Variants in IL16 observed in about 807,000 individuals in gnomAD.
The protein encoded by IL16 is interleukin 16.
Under a neutral mutation model 110.1 loss-of-function variants are expected in IL16, and 67 were observed. That is an observed-to-expected ratio of 0.61 (90% CI 0.50 to 0.75). The LOEUF (loss-of-function observed/expected upper bound fraction) is 0.75, where lower values mean the gene tolerates loss of function less well. Ranked by LOEUF, IL16 falls within the 30% of genes least tolerant of loss-of-function variation. The pLI is 0.00. For missense variants in IL16, 1,545 were observed against 1,655.0 expected (o/e 0.93, Z 1.15); for synonymous variants, 689 against 662.9 (o/e 1.04, Z -0.61).
At chr15:81,232,057 T>C (rs1286895102) in intron 2 of IL16, among the ~76,000 whole-genome samples, 14 of 130,304 alleles carry the variant, frequency 1.1e-4, no homozygotes, top group Admixed American at 2.9e-4. Flanking sequence ...TTTTTTTTTT[T>C]TTTTTTTTTC....
At chr15:81,198,621 A>C (rs940985163) in intron 1 of IL16, among the ~76,000 whole-genome samples, 3 of 149,526 alleles carry the variant, frequency 2.0e-5, no homozygotes, top group Admixed American at 1.3e-4. Context: ...TGGCAGAGGC[A>C]GACCAGGACC....
At chr15:81,277,450 T>G (rs1258741357) in intron 6 of IL16, among the ~76,000 whole-genome samples, 1 of 140,870 alleles carries the variant, frequency 7.1e-6, no homozygotes, top group African/African-American at 2.7e-5. Flanking sequence ...TTTTCTTTCC[T>G]TTTTTTTTTT....
intron 5 of IL16, among the ~76,000 whole-genome samples, chr15:81,270,380 T>G (rs1316253757): frequency 6.6e-6 from 1 of 152,212 alleles, no homozygotes; most frequent in African/African-American, 2.4e-5. Flanking sequence ...TTATGTAATA[T>G]AATTTTTTGT....
At chr15:81,280,473 G>T (rs1013630098) in intron 8 of IL16, among the ~76,000 whole-genome samples, 1 of 152,190 alleles carries the variant, frequency 6.6e-6, no homozygotes. Flanking sequence ...ATCCTTTATA[G>T]ATTTCTAAGC....
chr15:81,301,082 T>C (rs1900261483), intron 14 of IL16, among the ~76,000 whole-genome samples: 2 of 152,180 alleles, frequency 1.3e-5, no homozygotes, highest in Admixed American at 1.3e-4. Context: ...AGACGTGCCA[T>C]AGGGTCCCTG....
chr15:81,217,534 T>A (rs1487984345), intron 1 of IL16, among the ~76,000 whole-genome samples: 1 of 152,184 alleles, frequency 6.6e-6, no homozygotes, highest in East Asian at 1.9e-4. Flanking sequence ...AAAAGAAATG[T>A]CCAGCTTCTC....
At chr15:81,249,231 A>ATAT in intron 2 of IL16, among the ~76,000 whole-genome samples, 3 of 152,310 alleles carry the variant, frequency 2.0e-5, no homozygotes, top group Middle Eastern at 6.8e-3. Context: ...AAACCATAAC[A>ATAT]TATTATTATT....
chr15:81,307,086 T>C (rs1368902438), intron 18 of IL16, among the ~76,000 whole-genome samples: 2 of 152,166 alleles, frequency 1.3e-5, no homozygotes, highest in African/African-American at 4.8e-5. Flanking sequence ...GGGATTGGAG[T>C]ACAAACCAGT....
chr15:81,266,101 C>T (rs1054360146), intron 4 of IL16, among the ~76,000 whole-genome samples: 1 of 152,224 alleles, frequency 6.6e-6, no homozygotes, highest in Non-Finnish European at 1.5e-5. Flanking sequence ...TGAACTATGG[C>T]TTTGCGTGGA....
intron 1 of IL16, among the ~76,000 whole-genome samples, chr15:81,205,372 A>G (rs1357953260): frequency 6.6e-6 from 1 of 151,984 alleles, no homozygotes; most frequent in Non-Finnish European, 1.5e-5. Context: ...ATAGTCAATC[A>G]CTCTGAGAGC....
rs537863160 is a variant in IL16, at chr15:81,313,102, C to T, written c.*4304C>T. The T allele has an allele frequency of 5.0e-5, 45 of 895,758 alleles. No individual in the cohort carries two copies. The highest frequency in any genetic ancestry group is 1.1e-4 in the South Asian group (4 of 37,904). The allele number at this position is 895,758 out of a possible 1,614,324, so 55.5% of individuals were successfully genotyped here. On this transcript the variant is annotated 3_prime_UTR_variant, in exon 19 of 19. Coordinates refer to ENST00000683961, the MANE Select transcript of IL16 (RefSeq NM_172217.5). Reference sequence around the variant, plus strand: ...GCAGGAGGCAGGAAGGGTGGGCTGCCGCCTCTGGTTGGCATTCTCAGAGAT... The same window carrying T: ...GCAGGAGGCAGGAAGGGTGGGCTGCTGCCTCTGGTTGGCATTCTCAGAGAT...
At chr15:81,276,517 A>G (rs1230306177) in intron 6 of IL16, among the ~76,000 whole-genome samples, 4 of 152,208 alleles carry the variant, frequency 2.6e-5, no homozygotes, top group Non-Finnish European at 5.9e-5. Context: ...CAGCCTTGAT[A>G]ATGAAAGAGT....
At chr15:81,201,013 A>G (rs894683748) in intron 1 of IL16, among the ~76,000 whole-genome samples, 3 of 152,208 alleles carry the variant, frequency 2.0e-5, no homozygotes, top group African/African-American at 7.2e-5. Flanking sequence ...AACTCCAGCC[A>G]AAGTGCAGAT....
At chr15:81,278,456 T>G (rs1040601152) in intron 6 of IL16, among the ~76,000 whole-genome samples, 2 of 152,128 alleles carry the variant, frequency 1.3e-5, no homozygotes, top group Non-Finnish European at 2.9e-5. Context: ...CAGACCATTG[T>G]GGAAAATGCA....
intron 2 of IL16, among the ~76,000 whole-genome samples, chr15:81,256,510 T>G (rs999751786): frequency 6.6e-6 from 1 of 151,990 alleles, no homozygotes; most frequent in African/African-American, 2.4e-5. Context: ...TTTTTTTGTA[T>G]TTTTAGTAGA....
chr15:81,289,674 C>T (rs1268378608), intron 10 of IL16, among the ~76,000 whole-genome samples: 1 of 152,146 alleles, frequency 6.6e-6, no homozygotes, highest in Non-Finnish European at 1.5e-5. Context: ...TTTATATAAT[C>T]TGCAACTCAA....
chr15:81,306,323 C>G, intron 17 of IL16, 97 bp from the exon 18 acceptor site: 4 of 1,558,230 alleles, frequency 2.6e-6, no homozygotes, highest in Admixed American at 1.8e-5. Flanking sequence ...TGTGTGCAAA[C>G]ACGGGGGCTG....
In IL16 at chr15:81,299,905, A is replaced by G. The variant is rs1173076947; in HGVS notation, c.2579A>G (p.Gln860Arg). The change falls in exon 14 of 19, where the codon CAG (glutamine) becomes CGG (arginine). Residue 860 changes from glutamine to arginine, a missense_variant. Gln to Arg is a conservative substitution (Grantham distance 43). Coordinates refer to ENST00000683961, the MANE Select transcript of IL16 (RefSeq NM_172217.5). Reference protein sequence around the residue: ...GSSQLPDKGAQRLSLQPSSGE... With the variant: ...GSSQLPDKGARRLSLQPSSGE... ...TCTCAACTGCCTGACAAAGGAGCCC[A>G]GAGACTGAGCCTCCAGCCCTCCTCT... is the stretch of plus-strand genomic sequence containing the variant. The G allele has an allele frequency of 1.9e-6, 3 of 1,613,572 alleles. No individual in the cohort carries two copies. The highest frequency in any genetic ancestry group is 2.2e-5 in the East Asian group (1 of 44,876).
At position 81,292,809 on chromosome 15, in the gene IL16, A is replaced by T; in HGVS notation, c.1674A>T (p.Ala558=). Reference sequence around the variant, plus strand: ...GGGAGCCAGTGGTGCTTTCTATAGCATCCTCCAGGCTGCCCCAGGAGAGCC... The same window carrying T: ...GGGAGCCAGTGGTGCTTTCTATAGCTTCCTCCAGGCTGCCCCAGGAGAGCC... ...LAREPVVLSI[A]SSRLPQESPP... The change falls in exon 12 of 19, where the codon GCA becomes GCT. Residue 558 remains alanine (A), a synonymous_variant. Transcript: ENST00000683961. The T allele has an allele frequency of 6.2e-7, 1 of 1,614,078 alleles. No homozygotes were observed. Among genetic ancestry groups the T allele is most frequent in the South Asian group, 1.1e-5 (1 of 91,070 alleles).
Sources: gnomAD v4.1 joint callset for allele counts (sites outside exome capture counted in the v4.1 genomes callset) on GRCh38, gnomAD v4.1.1 for gene constraint, MANE v1.5 for transcripts, NCBI Gene and HGNC (gene_info 2026-07-23, HGNC 2026-07-21) for gene names.